Variants in SGCZ observed in about 807,000 individuals in gnomAD.
SGCZ encodes sarcoglycan zeta.
Under a neutral mutation model 41.3 loss-of-function variants are expected in SGCZ, and 40 were observed. That is an observed-to-expected ratio of 0.97 (90% CI 0.75 to 1.26). The LOEUF (loss-of-function observed/expected upper bound fraction) is 1.26, where lower values mean the gene tolerates loss of function less well. SGCZ is among the 50% of genes most tolerant of loss of function. SGCZ has a pLI of 0.00. For missense variants in SGCZ, 552 were observed against 369.8 expected (o/e 1.49, Z -4.04); for synonymous variants, 206 against 137.5 (o/e 1.50, Z -3.49).
chr8:14,107,664 G>A (rs960153444), intron 6 of SGCZ, among the ~76,000 whole-genome samples: 4 of 151,562 alleles, frequency 2.6e-5, no homozygotes, highest in African/African-American at 9.7e-5. Context: ...TTACAGATGG[G>A]GTCTTGCTGT....
chr8:14,659,354 GC>G (rs1251006914), intron 1 of SGCZ, among the ~76,000 whole-genome samples: 1 of 151,992 alleles, frequency 6.6e-6, no homozygotes, highest in African/African-American at 2.4e-5. Context: ...TACCCCATAA[GC>G]ATGTACAATT....
intron 2 of SGCZ, among the ~76,000 whole-genome samples, chr8:14,528,469 A>C (rs1339824282): frequency 6.6e-6 from 1 of 152,112 alleles, no homozygotes; most frequent in Non-Finnish European, 1.5e-5. Flanking sequence ...GTATAGAGTT[A>C]TATGTACCAA....
At chr8:14,732,337 C>A (rs1304677332) in intron 1 of SGCZ, among the ~76,000 whole-genome samples, 3 of 152,124 alleles carry the variant, frequency 2.0e-5, no homozygotes, top group African/African-American at 7.2e-5. Flanking sequence ...ACTCTCTGAC[C>A]CCAGAGGCCT....
intron 5 of SGCZ, among the ~76,000 whole-genome samples, chr8:14,147,541 A>G (rs981349555): frequency 6.6e-6 from 1 of 152,172 alleles, no homozygotes; most frequent in African/African-American, 2.4e-5. Context: ...TCTGCACCCA[A>G]CACTGGGACA....
At chr8:14,171,816 T>C (rs898577397) in intron 4 of SGCZ, among the ~76,000 whole-genome samples, 2 of 152,122 alleles carry the variant, frequency 1.3e-5, no homozygotes, top group African/African-American at 4.8e-5. Context: ...CTATGTTTCA[T>C]CTTGATAACA....
intron 1 of SGCZ, among the ~76,000 whole-genome samples, chr8:14,670,602 C>T (rs1461245280): frequency 6.6e-6 from 1 of 152,076 alleles, no homozygotes; most frequent in African/African-American, 2.4e-5. Flanking sequence ...TGTTCTTACA[C>T]CTGAGGAAAA....
chr8:14,323,743 T>C (rs958819717), intron 3 of SGCZ, among the ~76,000 whole-genome samples: 4 of 152,154 alleles, frequency 2.6e-5, no homozygotes, highest in African/African-American at 9.6e-5. Context: ...TATGTTGACT[T>C]AAAATCATTA....
chr8:15,213,274 A>G (rs1227122743), intron 1 of SGCZ, among the ~76,000 whole-genome samples: 2 of 151,964 alleles, frequency 1.3e-5, no homozygotes, highest in Non-Finnish European at 2.9e-5. Context: ...TTATTTGTTA[A>G]GTATCTTCTA....
chr8:14,208,726 T>C (rs1050642330), intron 4 of SGCZ, among the ~76,000 whole-genome samples: 3 of 152,216 alleles, frequency 2.0e-5, no homozygotes, highest in African/African-American at 7.2e-5. Context: ...AAATTATTTT[T>C]AAAACTTGAC....
chr8:15,022,363 G>C (rs1387123452), intron 1 of SGCZ, among the ~76,000 whole-genome samples: 1 of 151,114 alleles, frequency 6.6e-6, no homozygotes. Context: ...TTTATTTTTT[G>C]AGACAGAGTC....
chr8:14,350,791 C>G (rs1026066171), intron 2 of SGCZ, among the ~76,000 whole-genome samples: 1 of 152,124 alleles, frequency 6.6e-6, no homozygotes, highest in African/African-American at 2.4e-5. Flanking sequence ...CTCTCAGTAA[C>G]TATTTTCTAG....
At chr8:14,603,061 G>C (rs1445314706) in intron 1 of SGCZ, among the ~76,000 whole-genome samples, 2 of 152,160 alleles carry the variant, frequency 1.3e-5, no homozygotes, top group Admixed American at 1.3e-4. Flanking sequence ...GATTCTAGTA[G>C]GGGACTTGAC....
chr8:14,562,403 A>T (rs914756573), intron 1 of SGCZ, among the ~76,000 whole-genome samples: 3 of 152,152 alleles, frequency 2.0e-5, no homozygotes, highest in African/African-American at 7.2e-5. Context: ...AAATAACAAC[A>T]TTATCAAGTA....
intron 1 of SGCZ, among the ~76,000 whole-genome samples, chr8:14,608,844 GA>G (rs972815328): frequency 6.2e-4 from 94 of 151,210 alleles, no homozygotes; most frequent in African/African-American, 2.0e-3. Context: ...TTAAGCTTTT[GA>G]AAAAAAATGA....
At chr8:15,196,028 G>C (rs1420593665) in intron 1 of SGCZ, among the ~76,000 whole-genome samples, 1 of 145,866 alleles carries the variant, frequency 6.9e-6, no homozygotes, top group African/African-American at 2.6e-5. Context: ...CTCCCGAGTA[G>C]CTGGGACTAC....
chr8:14,502,485 T>C (rs1409537953), intron 2 of SGCZ, among the ~76,000 whole-genome samples: 1 of 152,154 alleles, frequency 6.6e-6, no homozygotes. Context: ...AAACAATATA[T>C]TCATGTTATA....
chr8:14,449,567 T>G (rs1800532189), intron 2 of SGCZ, among the ~76,000 whole-genome samples: 1 of 152,116 alleles, frequency 6.6e-6, no homozygotes, highest in Admixed American at 6.6e-5. Flanking sequence ...TCTAGGTCAG[T>G]TCATTGAGTC....
At chr8:14,807,971 A>G (rs1457151004) in intron 1 of SGCZ, among the ~76,000 whole-genome samples, 5 of 151,412 alleles carry the variant, frequency 3.3e-5, no homozygotes, top group Non-Finnish European at 7.4e-5. Context: ...AGAAAAACAA[A>G]CCATGGGGAA....
intron 2 of SGCZ, among the ~76,000 whole-genome samples, chr8:14,418,476 C>G (rs1252651395): frequency 6.6e-6 from 1 of 151,880 alleles, no homozygotes; most frequent in African/African-American, 2.4e-5. Flanking sequence ...GAAGATTACA[C>G]ATTTCTGAAA....
Sources: gnomAD v4.1 joint callset for allele counts (sites outside exome capture counted in the v4.1 genomes callset) on GRCh38, gnomAD v4.1.1 for gene constraint, MANE v1.5 for transcripts, NCBI Gene and HGNC (gene_info 2026-07-23, HGNC 2026-07-21) for gene names.